The following BCAS3 variants were observed in gnomAD, a reference collection of about 807,000 sequenced individuals.
The protein encoded by BCAS3 is BCAS4/BCAS3 fusion.
A neutral mutation model predicts 116.1 loss-of-function variants in BCAS3; 53 were observed. That is an observed-to-expected ratio of 0.46 (90% CI 0.37 to 0.57). The LOEUF is 0.57. Ranked by LOEUF, BCAS3 falls within the 20% of genes least tolerant of loss-of-function variation. BCAS3 has a pLI of 0.00. For missense variants in BCAS3, 917 were observed against 1,165.4 expected, an observed-to-expected ratio of 0.79 and a Z score of 3.10; for synonymous variants, 391 against 408.2, an observed-to-expected ratio of 0.96 and a Z score of 0.51.
intron 22 of BCAS3, among the ~76,000 whole-genome samples, chr17:61,110,856 G>C (rs1601321543): frequency 6.6e-6 from 1 of 152,330 alleles, no homozygotes; most frequent in African/African-American, 2.4e-5. Flanking sequence ...TGACAGCTTT[G>C]TAGAGAGCAG....
At chr17:60,773,347 A>G (rs79122191) in intron 6 of BCAS3, among the ~76,000 whole-genome samples, 22,785 of 138,830 alleles carry the variant, frequency 0.16, 3,176 homozygotes, top group African/African-American at 0.39. Context: ...GCTGAAATGC[A>G]GAGGTATTAT....
At chr17:61,112,828 T>TTGACC in intron 22 of BCAS3, among the ~76,000 whole-genome samples, 1 of 151,676 alleles carries the variant, frequency 6.6e-6, no homozygotes, top group Non-Finnish European at 1.5e-5. Context: ...ATTGACCACA[T>TTGACC]ACTTGGAAGT....
At chr17:61,272,569 G>A (rs2050376482) in intron 22 of BCAS3, among the ~76,000 whole-genome samples, 1 of 130,228 alleles carries the variant, frequency 7.7e-6, no homozygotes, top group African/African-American at 2.8e-5. Context: ...AGCCCAGGAG[G>A]TCAAGGTTGC....
intron 22 of BCAS3, among the ~76,000 whole-genome samples, chr17:61,210,550 T>C (rs148818825): frequency 1.3e-5 from 2 of 152,354 alleles, no homozygotes; most frequent in East Asian, 1.9e-4. Context: ...AAGAGTAAGA[T>C]AACATCAGTA....
Position 61,380,525 on chromosome 17 carries a change from A to C in BCAS3, c.2594-11452A>C, listed in dbSNP as rs2143614121. ...ATACAGACACAGCCCTTGACGTAGC[A>C]GTAAAAACCTTCCCCCCTGAGAGAC... is the stretch of plus-strand genomic sequence containing the variant. On this transcript the variant is annotated intron_variant, in intron 23 of 23. Coordinates refer to ENST00000407086, the MANE Select transcript of BCAS3 (RefSeq NM_017679.5). This position sits in a 1 kb window ranked among gnomAD's most constrained non-coding sequence, Gnocchi z 4.2. 1.3e-6 allele frequency: 2 copies of C among 1,598,256 alleles called. No individual in the cohort carries two copies. The highest frequency in any genetic ancestry group is 2.2e-5 in the South Asian group (2 of 91,064).
Position 60,709,248 on chromosome 17 carries a change from A to T in BCAS3, c.244A>T (p.Ile82Leu). The change falls in exon 5 of 24, where the codon ATA becomes TTA. Residue 82 changes from isoleucine to leucine, a missense_variant. Around this residue, in one of 3 missense-constraint regions of BCAS3, gnomAD observed 807 missense variants for 1,026.0 expected, o/e 0.79. Coordinates refer to ENST00000407086, the MANE Select transcript of BCAS3 (RefSeq NM_017679.5). ...DTSRNLEFHE[I>L]HSTGNEPPLL... ...ATCAAGAAATCTGGAATTTCATGAA[A>T]TACATAGTACTGGGAATGAACCGCC... 1 of 1,585,432 alleles carries T rather than the reference A, an allele frequency of 6.3e-7. No homozygotes were observed. The highest frequency in any genetic ancestry group is 8.7e-7 in the Non-Finnish European group (1 of 1,155,932).
Position 61,286,974 on chromosome 17 carries a change from C to T in BCAS3, c.2426-81353C>T, listed in dbSNP as rs920027471. 1.3e-5 allele frequency among the ~76,000 whole-genome samples: 2 copies of T among 152,268 alleles called. No individual in the cohort carries two copies. Among genetic ancestry groups the T allele is most frequent in the Non-Finnish European group, 2.9e-5 (2 of 68,024 alleles). On this transcript the variant is annotated intron_variant, in intron 22 of 23. Transcript: ENST00000407086. The surrounding 1 kb of genome is among the most constrained non-coding windows in gnomAD (Gnocchi z 4.8). ...CCTAAAGAGCTCTATGGAGGCCAGG[C>T]GTGGTGGCTCGCGCCTGTAATCCCA... is the stretch of plus-strand genomic sequence containing the variant.
At position 61,005,491 on chromosome 17, in the gene BCAS3, C is replaced by T. The variant is rs947628695; in HGVS notation, c.1487-10260C>T. Among the ~76,000 whole-genome samples the T allele has an allele frequency of 8.5e-5, 13 of 152,164 alleles. No individual in the cohort carries two copies. The South Asian group carries it at 2.1e-3, about 24-fold the overall frequency. On this transcript the variant is annotated intron_variant, in intron 15 of 23. Coordinates refer to ENST00000407086, the MANE Select transcript of BCAS3 (RefSeq NM_017679.5). ...GTCAAAAATGCTGATTTGGCCCTTT[C>T]GTACTGTACTCCCATCTTTGTATGG... is the stretch of plus-strand genomic sequence containing the variant.
intron 14 of BCAS3, among the ~76,000 whole-genome samples, chr17:60,957,280 G>T (rs975911153): frequency 6.6e-6 from 1 of 152,126 alleles, no homozygotes; most frequent in African/African-American, 2.4e-5. Context: ...ATCTTCAATT[G>T]TCAAGGGGAA....
At chr17:60,861,589 C>A (rs2054164444) in intron 7 of BCAS3, among the ~76,000 whole-genome samples, 1 of 152,010 alleles carries the variant, frequency 6.6e-6, no homozygotes, top group Non-Finnish European at 1.5e-5. Context: ...GGGAATGTTT[C>A]CAGTTTTTGC....
intron 22 of BCAS3, chr17:61,086,890 C>T (rs2073136044): frequency 2.0e-5 from 20 of 985,044 alleles, no homozygotes; most frequent in South Asian, 9.4e-5. Context: ...TATATGTTAA[C>T]GCATTTTTTG....
rs111771842 is a variant in BCAS3 at position 61,152,717 on chromosome 17, T to TA, written c.2425+68164dup. On this transcript the variant is annotated intron_variant, in intron 22 of 23. Coordinates refer to ENST00000407086, the MANE Select transcript of BCAS3 (RefSeq NM_017679.5). The stretch of plus-strand genomic sequence containing the variant: ...ATAATAAAGTCTTAAGGTTAACTTC[T>TA]AAAAAAAAAAATACCCCAATACTGC... 4.9e-4 allele frequency among the ~76,000 whole-genome samples: 72 copies of TA among 146,338 alleles called. No individual in the cohort carries two copies. In the South Asian group the frequency reaches 5.2e-3, roughly 11 times the overall value.
rs2060116716 is a variant in BCAS3, at chr17:61,391,246, C to T, written c.2594-731C>T. The T allele has an allele frequency of 6.6e-6, 1 of 152,340 alleles. No homozygotes were observed. Among genetic ancestry groups the T allele is most frequent in the Non-Finnish European group, 1.5e-5 (1 of 68,126 alleles). 9.4% of individuals were successfully genotyped at this position (152,340 alleles called of 1,614,324 possible). A position where few individuals can be genotyped will look rare whatever the true frequency, so the allele number is the denominator to read the frequency against. On this transcript the variant is annotated intron_variant, in intron 23 of 23. Coordinates refer to ENST00000407086, the MANE Select transcript of BCAS3 (RefSeq NM_017679.5). This position sits in a 1 kb window ranked among gnomAD's most constrained non-coding sequence, Gnocchi z 7.7. The stretch of plus-strand genomic sequence containing the variant: ...GGAGGAGGAGGGCGGGACTCCCTGC[C>T]TGCCCTTCAGGTTGATGCTGAGGGG...
chr17:61,322,860 G>GAGAGAGAGAGAGAGAGAC (rs2055412028), intron 22 of BCAS3, among the ~76,000 whole-genome samples: 1 of 146,978 alleles, frequency 6.8e-6, no homozygotes. Context: ...GAGAGACAGA[G>GAGAGAGAGAGAGAGAGAC]AGAGAGAGAG....
intron 18 of BCAS3, among the ~76,000 whole-genome samples, chr17:61,038,543 G>A (rs1006472987): frequency 2.0e-5 from 3 of 151,732 alleles, no homozygotes; most frequent in Admixed American, 6.6e-5. Flanking sequence ...GTGAGCAACC[G>A]TGCTGGCCCA....
intron 18 of BCAS3, 107 bp downstream of exon 18, chr17:61,038,161 A>C: frequency 2.1e-6 from 2 of 946,238 alleles, no homozygotes; most frequent in Middle Eastern, 2.5e-4. Flanking sequence ...CGAAATCATC[A>C]CCACAATTAA....
chr17:61,158,913 G>A (rs1472874014), intron 22 of BCAS3, among the ~76,000 whole-genome samples: 2 of 152,048 alleles, frequency 1.3e-5, no homozygotes, highest in Admixed American at 1.3e-4. Flanking sequence ...GATCCTTTTT[G>A]TTATATAAAA....
rs1270620891 is a variant in BCAS3 at position 61,376,957 on chromosome 17, CA to C, written c.2593+8465del. On this transcript the variant is annotated intron_variant, in intron 23 of 23. Coordinates refer to ENST00000407086, the MANE Select transcript of BCAS3 (RefSeq NM_017679.5). The surrounding 1 kb of genome is among the most constrained non-coding windows in gnomAD (Gnocchi z 4.5). ...CATCGGTATCTGCCAGTTTCTTCCCCAATAGGCTGGAGAAAAATAAGAGAGA... is the reference window on the plus strand; with the variant it reads ...CATCGGTATCTGCCAGTTTCTTCCCCATAGGCTGGAGAAAAATAAGAGAGA... Among the ~76,000 whole-genome samples the C allele has an allele frequency of 6.6e-6, 1 of 152,186 alleles. No homozygotes were observed. The highest frequency in any genetic ancestry group is 1.5e-5 in the Non-Finnish European group (1 of 68,038).
chr17:60,931,384 T>C (rs1369602216), intron 13 of BCAS3, among the ~76,000 whole-genome samples: 1 of 152,154 alleles, frequency 6.6e-6, no homozygotes, highest in Non-Finnish European at 1.5e-5. Flanking sequence ...CAAGCGATTT[T>C]CCTGCCTCAG....
Sources: gnomAD v4.1 joint callset for allele counts (sites outside exome capture counted in the v4.1 genomes callset) on GRCh38, gnomAD v4.1.1 for gene constraint, gnomAD v4.1.1 regional missense constraint, Gnocchi (gnomAD v3.1) non-coding constraint, MANE v1.5 for transcripts, NCBI Gene and HGNC (gene_info 2026-07-23, HGNC 2026-07-21) for gene names.